The following PRKCA variants were observed in gnomAD, a reference collection of about 807,000 sequenced individuals.
PRKCA encodes protein kinase C alpha type.
In PRKCA, 27 loss-of-function variants were observed where a neutral mutation model predicts 87.0. That is an observed-to-expected ratio of 0.31 (90% confidence interval 0.23 to 0.43). The LOEUF is 0.43. PRKCA is among the 20% of genes least tolerant of loss of function. PRKCA has a pLI of 1.00. For missense variants in PRKCA, 518 were observed against 852.3 expected (o/e 0.61, Z 4.88); for synonymous variants, 329 against 311.1 (o/e 1.06, Z -0.61).
chr17:66,487,876 G>A (rs757097240), intron 2 of PRKCA, among the ~76,000 whole-genome samples: 1 of 152,024 alleles, frequency 6.6e-6, no homozygotes, highest in Admixed American at 6.6e-5. Flanking sequence ...AAGAGTTTGA[G>A]AATATTTTTT....
intron 8 of PRKCA, among the ~76,000 whole-genome samples, chr17:66,719,628 A>G (rs1009290751): frequency 3.9e-5 from 6 of 152,194 alleles, no homozygotes; most frequent in East Asian, 3.9e-4. Context: ...TTAGCCAGGC[A>G]TGGTGACATG....
chr17:66,459,902 A>G (rs1382693465), intron 2 of PRKCA, among the ~76,000 whole-genome samples: 3 of 152,090 alleles, frequency 2.0e-5, no homozygotes, highest in Non-Finnish European at 4.4e-5. Context: ...TCAGGGTTAC[A>G]TGGTACATGT....
chr17:66,403,801 C>A (rs1420698819), intron 2 of PRKCA: 1 of 152,074 alleles, frequency 6.6e-6, no homozygotes. Context: ...TGATGTTATT[C>A]TTTTAAAAAA....
chr17:66,785,889 T>C (rs577362744), intron 14 of PRKCA, among the ~76,000 whole-genome samples: 28 of 152,292 alleles, frequency 1.8e-4, no homozygotes, highest in East Asian at 5.8e-4. Flanking sequence ...AGTGCAGTGG[T>C]GCAATCTCAG....
chr17:66,445,763 T>G (rs893739217), intron 2 of PRKCA, among the ~76,000 whole-genome samples: 5 of 152,032 alleles, frequency 3.3e-5, no homozygotes, highest in Non-Finnish European at 5.9e-5. Flanking sequence ...CTTGGTGGTG[T>G]TTTCATCTGT....
intron 2 of PRKCA, among the ~76,000 whole-genome samples, chr17:66,458,706 C>T (rs1277807049): frequency 6.6e-6 from 1 of 152,102 alleles, no homozygotes; most frequent in African/African-American, 2.4e-5. Context: ...GTCTCAAACT[C>T]CTGAGCTCAG....
At chr17:66,646,418 G>T (rs1224147435) in intron 5 of PRKCA, among the ~76,000 whole-genome samples, 1 of 152,044 alleles carries the variant, frequency 6.6e-6, no homozygotes, top group East Asian at 1.9e-4. Flanking sequence ...CTCCATGTTG[G>T]TGTATGGTTC....
At chr17:66,679,902 C>T (rs1371137565) in intron 5 of PRKCA, among the ~76,000 whole-genome samples, 2 of 152,198 alleles carry the variant, frequency 1.3e-5, no homozygotes, top group Non-Finnish European at 2.9e-5. Context: ...TGCCTGAAGG[C>T]CCTATCTGCA....
intron 2 of PRKCA, among the ~76,000 whole-genome samples, chr17:66,419,166 A>T (rs888289510): frequency 9.9e-5 from 15 of 152,200 alleles, no homozygotes; most frequent in African/African-American, 3.6e-4. Context: ...AAATAAGAAT[A>T]CTAGTTCAAT....
At chr17:66,462,245 A>G (rs1914887253) in intron 2 of PRKCA, among the ~76,000 whole-genome samples, 1 of 152,106 alleles carries the variant, frequency 6.6e-6, no homozygotes, top group Non-Finnish European at 1.5e-5. Flanking sequence ...TCATTGTTTT[A>G]TGTTTCTAAT....
At chr17:66,688,556 A>G (rs575494826) in intron 7 of PRKCA, 120 bp downstream of exon 7, 1 of 1,324,160 alleles carries the variant, frequency 7.6e-7, no homozygotes, top group South Asian at 1.4e-5. Context: ...TAATCCCAGC[A>G]CTTCAAGAGG....
chr17:66,328,623 C>T (rs1906134902), intron 2 of PRKCA, among the ~76,000 whole-genome samples: 1 of 151,970 alleles, frequency 6.6e-6, no homozygotes, highest in Non-Finnish European at 1.5e-5. Context: ...CATGGGGAAA[C>T]CCTGTCTCTA....
intron 14 of PRKCA, among the ~76,000 whole-genome samples, chr17:66,778,679 A>G (rs967405542): frequency 6.6e-6 from 1 of 151,874 alleles, no homozygotes; most frequent in Non-Finnish European, 1.5e-5. Flanking sequence ...CCCGTCTACA[A>G]AAGATGCAAA....
chr17:66,589,090 C>A (rs1046702070), intron 3 of PRKCA, among the ~76,000 whole-genome samples: 5 of 152,076 alleles, frequency 3.3e-5, no homozygotes, highest in South Asian at 4.2e-4. Flanking sequence ...AACGTGAAGT[C>A]TGCCCACTTC....
chr17:66,553,242 AAAGTTCTG>A (rs1327383883), intron 3 of PRKCA, among the ~76,000 whole-genome samples: 10 of 152,120 alleles, frequency 6.6e-5, no homozygotes, highest in Non-Finnish European at 4.4e-5. Context: ...TCAGCCTCCC[AAAGTTCTG>A]GGATTATAGC....
intron 2 of PRKCA, among the ~76,000 whole-genome samples, chr17:66,381,839 G>A (rs1460756664): frequency 2.6e-5 from 4 of 152,070 alleles, no homozygotes. Flanking sequence ...AACAGCATGT[G>A]GCCAGTCAAA....
At chr17:66,781,887 AGTGTGT>A (rs749824745) in intron 14 of PRKCA, among the ~76,000 whole-genome samples, 82 of 125,608 alleles carry the variant, frequency 6.5e-4, no homozygotes, top group East Asian at 4.1e-3. Context: ...ATATATATAT[AGTGTGT>A]GTGTGTGTGT....
chr17:66,576,659 T>G (rs1969244759), intron 3 of PRKCA, among the ~76,000 whole-genome samples: 1 of 152,280 alleles, frequency 6.6e-6, no homozygotes. Context: ...TTCACTTTAT[T>G]TGATGGTTCG....
intron 8 of PRKCA, among the ~76,000 whole-genome samples, chr17:66,710,380 CTTCCT>C (rs1973293569): frequency 6.6e-6 from 1 of 151,458 alleles, no homozygotes; most frequent in African/African-American, 2.5e-5. Context: ...GTGTGTAGCA[CTTCCT>C]GTGTGTAACA....
Sources: gnomAD v4.1 joint callset for allele counts (sites outside exome capture counted in the v4.1 genomes callset) on GRCh38, gnomAD v4.1.1 for gene constraint, MANE v1.5 for transcripts, NCBI Gene and HGNC (gene_info 2026-07-23, HGNC 2026-07-21) for gene names.